The following ABLIM1 variants were observed in gnomAD, a reference collection of about 807,000 sequenced individuals.
ABLIM1 encodes actin binding LIM protein 1.
ABLIM1 carries 40 observed loss-of-function variants against 107.0 expected under a neutral mutation model. That is an observed-to-expected ratio of 0.37 (90% CI 0.29 to 0.49). ABLIM1 has a LOEUF of 0.49. Among genes scored for constraint, ABLIM1 ranks in the 20% least tolerant of loss-of-function variants. ABLIM1 has a pLI of 0.97. For missense variants in ABLIM1, 857 were observed against 1,008.5 expected (o/e 0.85, Z 2.04); for synonymous variants, 357 against 357.3 (o/e 1.00, Z 0.01).
chr10:114,622,402 C>T (rs547730884), intron 1 of ABLIM1, among the ~76,000 whole-genome samples: 1 of 152,016 alleles, frequency 6.6e-6, no homozygotes, highest in East Asian at 1.9e-4. Context: ...GCACACACCA[C>T]CATGCATGGC....
intron 7 of ABLIM1, 122 bp downstream of exon 7, chr10:114,491,669 T>C (rs192925677): frequency 4.4e-4 from 403 of 911,842 alleles, no homozygotes; most frequent in Non-Finnish European, 6.3e-4. Flanking sequence ...CATAATCTTC[T>C]TGGATTTGGG....
chr10:114,700,160 A>G lies in ABLIM1; in HGVS notation c.-213+67901T>C, dbSNP rs2081279760. On this transcript the variant is annotated intron_variant, in intron 1 of 15. Coordinates refer to the ABLIM1 transcript ENST00000651092. ...CAAGCTAATACATTTCCAGATGCATAAGCAATAAGTTAATTCATTACATAT... is the reference window on the plus strand; with the variant it reads ...CAAGCTAATACATTTCCAGATGCATGAGCAATAAGTTAATTCATTACATAT... Among the ~76,000 whole-genome samples the G allele has an allele frequency of 2.0e-5, 3 of 152,292 alleles. No individual in the cohort carries two copies. The South Asian group carries it at 6.2e-4, about 32-fold the overall frequency.
At chr10:114,519,973 C>T (rs757141978) in intron 6 of ABLIM1, among the ~76,000 whole-genome samples, 1 of 152,212 alleles carries the variant, frequency 6.6e-6, no homozygotes, top group Non-Finnish European at 1.5e-5. Flanking sequence ...CAGCCTCTGC[C>T]CTGTTGGAGC....
At chr10:114,542,527 GGAA>G (rs1434139598) in intron 6 of ABLIM1, among the ~76,000 whole-genome samples, 1 of 151,404 alleles carries the variant, frequency 6.6e-6, no homozygotes, top group Non-Finnish European at 1.5e-5. Flanking sequence ...AAGGAAGAAA[GGAA>G]GAAGGAGGAG....
intron 6 of ABLIM1, among the ~76,000 whole-genome samples, chr10:114,517,595 C>T (rs367749154): frequency 4.0e-5 from 6 of 151,842 alleles, no homozygotes; most frequent in Admixed American, 1.3e-4. Flanking sequence ...TCAACGACAG[C>T]GCATACTTTA....
At chr10:114,718,076 A>AGGAC (rs2081736174) in intron 1 of ABLIM1, among the ~76,000 whole-genome samples, 1 of 96,134 alleles carries the variant, frequency 1.0e-5, no homozygotes, top group Admixed American at 1.0e-4. Flanking sequence ...GAAGAAAGGA[A>AGGAC]GGAAGGAAGG....
chr10:114,775,080 A>G, the ABLIM1 span, among the ~76,000 whole-genome samples: 3 of 152,282 alleles, frequency 2.0e-5, no homozygotes, highest in South Asian at 6.2e-4. Flanking sequence ...GAAGGTGAAG[A>G]GGAAGCAAAG....
chr10:114,447,270 C>T (rs1264072194), intron 15 of ABLIM1, among the ~76,000 whole-genome samples: 1 of 152,160 alleles, frequency 6.6e-6, no homozygotes, highest in Non-Finnish European at 1.5e-5. Flanking sequence ...TGAAATATGA[C>T]ATTTTAGCAC....
intron 5 of ABLIM1, 122 bp from the exon 6 acceptor site, chr10:114,545,220 G>A: frequency 1.2e-6 from 1 of 842,450 alleles, no homozygotes; most frequent in East Asian, 2.6e-5. Flanking sequence ...CCTGCCCAGT[G>A]TTCACATGCC....
At chr10:114,651,683 T>C (rs1472567025) in intron 1 of ABLIM1, among the ~76,000 whole-genome samples, 1 of 151,788 alleles carries the variant, frequency 6.6e-6, no homozygotes, top group Non-Finnish European at 1.5e-5. Context: ...TTGGTAACTA[T>C]AAATAAAAAA....
chr10:114,728,426 G>A (rs2142119074), intron 1 of ABLIM1, among the ~76,000 whole-genome samples: 1 of 150,812 alleles, frequency 6.6e-6, no homozygotes, highest in East Asian at 1.9e-4. Flanking sequence ...TTATTGTAAT[G>A]GCAAGACATT....
chr10:114,598,989 G>A (rs537514546), intron 2 of ABLIM1, among the ~76,000 whole-genome samples: 3 of 152,268 alleles, frequency 2.0e-5, no homozygotes, highest in Admixed American at 2.0e-4. Flanking sequence ...TGATGACAGT[G>A]CTGCTCTAGA....
At chr10:114,646,392 G>A (rs918785227) in intron 1 of ABLIM1, among the ~76,000 whole-genome samples, 1 of 152,160 alleles carries the variant, frequency 6.6e-6, no homozygotes, top group African/African-American at 2.4e-5. Flanking sequence ...ACAAATGAAT[G>A]TTGACCCATT....
rs1170398374 is a variant in ABLIM1, at chr10:114,727,633, A to T, written c.-213+40428T>A. Among the ~76,000 whole-genome samples, 5 of 152,372 alleles carry T rather than the reference A, an allele frequency of 3.3e-5. No individual in the cohort carries two copies. In the East Asian group the frequency reaches 9.6e-4, roughly 29 times the overall value. On this transcript the variant is annotated intron_variant, in intron 1 of 15. Coordinates refer to the ABLIM1 transcript ENST00000651092. Reference sequence around the variant, plus strand: ...GTCAAAAAACTCAAATCATAAAGAAAATATTTAATAAAATTGGCTATATTA... The same window carrying T: ...GTCAAAAAACTCAAATCATAAAGAATATATTTAATAAAATTGGCTATATTA...
intron 6 of ABLIM1, among the ~76,000 whole-genome samples, chr10:114,508,056 G>A (rs981624565): frequency 3.3e-5 from 5 of 152,194 alleles, no homozygotes; most frequent in African/African-American, 4.8e-5. Flanking sequence ...TTCCATCCCC[G>A]TTGCTCAGCA....
chr10:114,643,500 T>C (rs957211925), intron 1 of ABLIM1, among the ~76,000 whole-genome samples: 1 of 152,118 alleles, frequency 6.6e-6, no homozygotes, highest in African/African-American at 2.4e-5. Context: ...AAGGGTATCA[T>C]AAGGCAAATA....
intron 1 of ABLIM1, among the ~76,000 whole-genome samples, chr10:114,730,770 T>C (rs11598354): frequency 0.34 from 51,851 of 151,990 alleles, 10,751 homozygotes; most frequent in Non-Finnish European, 0.47. Context: ...TTCTGTAATA[T>C]TTCATCACAC....
At chr10:114,730,630 T>C (rs890723159) in intron 1 of ABLIM1, among the ~76,000 whole-genome samples, 3 of 152,280 alleles carry the variant, frequency 2.0e-5, no homozygotes, top group East Asian at 1.9e-4. Context: ...AATATCTATA[T>C]GATTTTTTCA....
At chr10:114,474,652 T>C (rs1383000217) in intron 8 of ABLIM1, among the ~76,000 whole-genome samples, 1 of 152,142 alleles carries the variant, frequency 6.6e-6, no homozygotes, top group Non-Finnish European at 1.5e-5. Context: ...AGTGCTGGGA[T>C]TACAGGCGTG....
Sources: allele counts gnomAD v4.1 joint callset (sites outside exome capture counted in the v4.1 genomes callset), GRCh38; gene constraint gnomAD v4.1.1; transcripts MANE v1.5; gene names NCBI Gene and HGNC (gene_info 2026-07-23, HGNC 2026-07-21).